Variants in SPECC1 observed in about 807,000 individuals in gnomAD.
The protein encoded by SPECC1 is sperm antigen with calponin homology and coiled-coil domains 1.
A neutral mutation model predicts 104.1 loss-of-function variants in SPECC1; 62 were observed. The observed-to-expected ratio is 0.60, with a 90% CI of 0.49 to 0.74. SPECC1 has a LOEUF of 0.74. Ranked by LOEUF, SPECC1 falls within the 30% of genes least tolerant of loss-of-function variation. SPECC1 has a pLI of 0.00. For synonymous variants in SPECC1, 513 were observed against 501.6 expected (o/e 1.02, Z -0.30); for missense variants, 1,306 against 1,310.5 (o/e 1.00, Z 0.05).
chr17:20,044,914 G>A (rs1463305754), intron 1 of SPECC1, among the ~76,000 whole-genome samples: 2 of 152,228 alleles, frequency 1.3e-5, no homozygotes, highest in Admixed American at 6.5e-5. Context: ...GTGTGCTCAC[G>A]CACATGCGTG....
chr17:20,308,001 T>C (rs965411962), intron 14 of SPECC1, among the ~76,000 whole-genome samples: 1 of 151,958 alleles, frequency 6.6e-6, no homozygotes, highest in Non-Finnish European at 1.5e-5. Context: ...GAAGAGAAAA[T>C]TCACAGATGA....
At chr17:20,252,398 G>A (rs922742491) in intron 9 of SPECC1, among the ~76,000 whole-genome samples, 2 of 152,066 alleles carry the variant, frequency 1.3e-5, no homozygotes, top group African/African-American at 4.8e-5. Context: ...TACCCAACAG[G>A]TTTTCAGTGC....
chr17:20,245,941 G>A lies in SPECC1; in HGVS notation c.2367G>A (p.Glu789=). The A allele has an allele frequency of 6.2e-7, 1 of 1,614,132 alleles. No individual in the cohort carries two copies. The highest frequency in any genetic ancestry group is 8.5e-7 in the Non-Finnish European group (1 of 1,180,020). The part of the protein sequence containing the change: ...SRAAPPPVDE[E]PESSEVDAAG... ...TGCCATGCAGACCTGTGGATGAAGA[G>A]CCAGAGTCCTCTGAGGTCGATGCTG... Residue 789 remains glutamate, a synonymous_variant, in exon 8 of 15, where the codon GAG becomes GAA. Transcript: ENST00000395527.
intron 12 of SPECC1, among the ~76,000 whole-genome samples, chr17:20,264,349 A>G (rs1259342202): frequency 1.3e-5 from 2 of 151,560 alleles, no homozygotes; most frequent in African/African-American, 4.9e-5. Context: ...GGTAGTAAGC[A>G]TAGTACTCTG....
At chr17:20,185,043 G>C (rs554429125) in intron 3 of SPECC1, 1 of 152,240 alleles carries the variant, frequency 6.6e-6, no homozygotes, top group Non-Finnish European at 1.5e-5. Flanking sequence ...ATTGTCCACA[G>C]AATTCACACT....
At chr17:20,096,162 A>C (rs2047634142) in intron 1 of SPECC1, 1 of 152,418 alleles carries the variant, frequency 6.6e-6, no homozygotes, top group Non-Finnish European at 1.5e-5. Context: ...TATCCAAAAG[A>C]AGAAAAAAGT....
chr17:20,213,084 C>T (rs1597992416), intron 4 of SPECC1, among the ~76,000 whole-genome samples: 1 of 151,904 alleles, frequency 6.6e-6, no homozygotes, highest in East Asian at 1.9e-4. Flanking sequence ...GACCTTAGAG[C>T]TCTTATTCTT....
chr17:20,073,236 G>A (rs2046629978), intron 1 of SPECC1, among the ~76,000 whole-genome samples: 4 of 152,114 alleles, frequency 2.6e-5, no homozygotes. Flanking sequence ...TGTTCACAGG[G>A]TCATGGCAAG....
chr17:20,224,024 G>C (rs1354324839), intron 4 of SPECC1, among the ~76,000 whole-genome samples: 11 of 152,186 alleles, frequency 7.2e-5, no homozygotes. Context: ...TAGGATCTAA[G>C]CCTTTGGTCA....
chr17:20,124,812 T>C (rs1193452672), intron 3 of SPECC1, among the ~76,000 whole-genome samples: 1 of 152,230 alleles, frequency 6.6e-6, no homozygotes, highest in Non-Finnish European at 1.5e-5. Context: ...GCCTATTTTA[T>C]AATAAAGTGT....
chr17:20,017,261 A>G (rs1381777801), intron 1 of SPECC1: 1 of 152,328 alleles, frequency 6.6e-6, no homozygotes, highest in Non-Finnish European at 1.5e-5. Flanking sequence ...GCTGCAACAC[A>G]CACCTCGAAG....
At chr17:20,275,097 A>G (rs1281244797) in intron 12 of SPECC1, among the ~76,000 whole-genome samples, 1 of 152,092 alleles carries the variant, frequency 6.6e-6, no homozygotes, top group Non-Finnish European at 1.5e-5. Flanking sequence ...TTAGCTTTTA[A>G]TGAGCTATCC....
chr17:20,019,276 A>T (rs905419324), intron 1 of SPECC1, among the ~76,000 whole-genome samples: 1 of 151,304 alleles, frequency 6.6e-6, no homozygotes, highest in Non-Finnish European at 1.5e-5. Flanking sequence ...TTTAAAAAGC[A>T]GTCTTAGGCC....
chr17:20,254,353 T>A (rs1412744907), intron 10 of SPECC1, among the ~76,000 whole-genome samples: 6 of 152,198 alleles, frequency 3.9e-5, no homozygotes, highest in Non-Finnish European at 8.8e-5. Context: ...CTGCTCAGCC[T>A]GGCTTTGGCC....
chr17:20,243,547 C>G (rs1015494242), intron 7 of SPECC1, among the ~76,000 whole-genome samples: 1 of 152,178 alleles, frequency 6.6e-6, no homozygotes, highest in Non-Finnish European at 1.5e-5. Flanking sequence ...GTGAATCCCT[C>G]TCACATACAC....
chr17:20,108,910 T>C (rs1263230835), intron 2 of SPECC1, among the ~76,000 whole-genome samples: 1 of 152,170 alleles, frequency 6.6e-6, no homozygotes, highest in Admixed American at 6.5e-5. Flanking sequence ...GTCCTACCCC[T>C]TTCATGACAG....
chr17:20,165,113 ATGGTGGTT>A (rs1229829082), intron 3 of SPECC1, among the ~76,000 whole-genome samples: 3 of 152,174 alleles, frequency 2.0e-5, no homozygotes, highest in Non-Finnish European at 4.4e-5. Flanking sequence ...AACGTGTGCC[ATGGTGGTT>A]TGCTGCACAG....
chr17:20,100,296 A>G (rs1302285673), intron 2 of SPECC1, among the ~76,000 whole-genome samples: 1 of 152,070 alleles, frequency 6.6e-6, no homozygotes, highest in African/African-American at 2.4e-5. Flanking sequence ...CTCTGATTTG[A>G]CCTTAATCTT....
chr17:20,040,324 G>A (rs1000958244), intron 1 of SPECC1, among the ~76,000 whole-genome samples: 2 of 151,992 alleles, frequency 1.3e-5, no homozygotes, highest in African/African-American at 4.8e-5. Context: ...CTTCAGACAG[G>A]GTTATAATTT....
Sources: allele counts gnomAD v4.1 joint callset (sites outside exome capture counted in the v4.1 genomes callset), GRCh38; gene constraint gnomAD v4.1.1; transcripts MANE v1.5; gene names NCBI Gene and HGNC (gene_info 2026-07-23, HGNC 2026-07-21).